MSH5: variants seen among roughly 807,000 people sequenced by gnomAD.
MSH5 encodes mutS homolog 5, also known as mutS protein homolog 5.
MSH5 carries 78 observed loss-of-function variants against 107.7 expected under a neutral mutation model. The observed-to-expected ratio is 0.72, with a 90% CI of 0.60 to 0.87. The LOEUF (loss-of-function observed/expected upper bound fraction) is 0.87. MSH5 is among the 40% of genes least tolerant of loss of function. MSH5 has a pLI of 0.00. For missense variants in MSH5, 889 were observed against 1,046.6 expected (o/e 0.85, Z 2.08); for synonymous variants, 326 against 399.5 (o/e 0.82, Z 2.19).
rs1475124754 is a variant in MSH5, at chr6:31,758,834, G to A, written c.1285G>A (p.Asp429Asn). Residue 429 changes from aspartate (D) to asparagine (N), a missense_variant, in exon 15 of 25, where the codon GAC (aspartate) becomes AAC (asparagine). Physicochemically the swap from Asp to Asn is conservative, Grantham distance 23. Coordinates refer to ENST00000375750, the MANE Select transcript of MSH5 (RefSeq NM_172166.4). The surrounding 1 kb of genome is among the most constrained non-coding windows in gnomAD (Gnocchi z 5.1). ...TGCCCGCAAGGAGCTGGAGAATCTG[G>A]ACTCCCGTATTCCTTCATGCAGTGT... ...EVARKELENL[D>N]SRIPSCSVIY... 1 of 1,614,192 alleles carries A rather than the reference G, an allele frequency of 6.2e-7. No homozygotes were observed. Among genetic ancestry groups the A allele is most frequent in the South Asian group, 1.1e-5 (1 of 91,080 alleles).
chr6:31,760,576 T>G lies in MSH5; in HGVS notation c.1813-114T>G. On this transcript the variant is annotated intron_variant, in intron 19 of 24. Transcript: ENST00000375750. The surrounding 1 kb of genome is among the most constrained non-coding windows in gnomAD (Gnocchi z 5.6). ...ACAGAGTCAGTGTGTCTGTTACCTA[T>G]TTCTCCTGTTTCACCCTGTCCATTT... 2.2e-6 allele frequency: 3 copies of G among 1,358,068 alleles called. No individual in the cohort carries two copies. Among genetic ancestry groups the G allele is most frequent in the Non-Finnish European group, 2.1e-6 (2 of 955,568 alleles). The allele number at this position is 1,358,068 out of a possible 1,614,324, so 84.1% of individuals were successfully genotyped here. A position where few individuals can be genotyped will look rare whatever the true frequency, so the allele number is the denominator to read the frequency against.
Position 31,762,462 on chromosome 6 carries a change from A to T in MSH5, c.2436A>T (p.Glu812Asp), listed in dbSNP as rs1453194999. The T allele has an allele frequency of 6.2e-7, 1 of 1,614,044 alleles. No individual in the cohort carries two copies. Among genetic ancestry groups the T allele is most frequent in the Admixed American group, 1.7e-5 (1 of 59,996 alleles). ...LVDKFMKLDL[E>D]DPNLDLNVFM... is the part of the protein sequence containing the mutation. ...ATAAGTTTATGAAACTGGATTTGGAAGATCCTAACCTGGACTTGAACGTTT... is the reference window on the plus strand; with the variant it reads ...ATAAGTTTATGAAACTGGATTTGGATGATCCTAACCTGGACTTGAACGTTT... The change falls in exon 25 of 25, where the codon GAA becomes GAT. Residue 812 changes from glutamate (E) to aspartate (D), a missense_variant. Coordinates refer to ENST00000375750, the MANE Select transcript of MSH5 (RefSeq NM_172166.4).
rs1174776418 is a variant in MSH5 at position 31,749,291 on chromosome 6, C to G, written c.812+1859C>G. Among the ~76,000 whole-genome samples, 3 of 152,100 alleles carry G rather than the reference C, an allele frequency of 2.0e-5. No individual in the cohort carries two copies. The East Asian group carries it at 5.8e-4, about 29-fold the overall frequency. On this transcript the variant is annotated intron_variant, in intron 10 of 24. Coordinates refer to ENST00000375750, the MANE Select transcript of MSH5 (RefSeq NM_172166.4). Reference sequence around the variant, plus strand: ...GCGCGGTGGCTCACGCCTGTAGTCTCAGCATTTTGGGAGGCTGAGGTGGGT... The same window carrying G: ...GCGCGGTGGCTCACGCCTGTAGTCTGAGCATTTTGGGAGGCTGAGGTGGGT...
intron 10 of MSH5, among the ~76,000 whole-genome samples, chr6:31,752,195 C>A (rs1810022991): frequency 6.6e-6 from 1 of 152,036 alleles, no homozygotes; most frequent in Non-Finnish European, 1.5e-5. Flanking sequence ...AATCCCAGCA[C>A]TTTGGGAGGC....
Position 31,753,290 on chromosome 6 carries a change from C to G in MSH5, c.813-11C>G. On this transcript the variant is annotated splice_polypyrimidine_tract_variant and intron_variant, in intron 10 of 24. Coordinates refer to ENST00000375750, the MANE Select transcript of MSH5 (RefSeq NM_172166.4). ...AACTTGTAGTACCCCCACCCAAACC[C>G]TCACTTCCAGGCTATGGTTCACACG... 2 of 1,589,714 alleles carry G rather than the reference C, an allele frequency of 1.3e-6. No individual in the cohort carries two copies. Among genetic ancestry groups the G allele is most frequent in the Non-Finnish European group, 1.7e-6 (2 of 1,161,530 alleles).
In MSH5 at chr6:31,743,901, T is replaced by G; in HGVS notation, c.416-3T>G. ...GTTCCCTTTGCTTGCCTCCCTCAAA[T>G]AGGTCTGGAGATAAGCAAACAACGC... On this transcript the variant is annotated splice_region_variant and splice_polypyrimidine_tract_variant and intron_variant, in intron 5 of 24. Coordinates refer to ENST00000375750, the MANE Select transcript of MSH5 (RefSeq NM_172166.4). 6.2e-7 allele frequency: 1 copy of G among 1,612,726 alleles called. No individual in the cohort carries two copies. The highest frequency in any genetic ancestry group is 8.5e-7 in the Non-Finnish European group (1 of 1,179,798).
At position 31,761,346 on chromosome 6, in the gene MSH5, C is replaced by T. The variant is rs1428943524; in HGVS notation, c.2037+84C>T. ...GGAGCATGACAGTGAGGCTGGGCCT[C>T]TGGAATGGAATAGGGCTGTGTGGGC... is the stretch of plus-strand genomic sequence containing the variant. On this transcript the variant is annotated intron_variant, in intron 21 of 24. Coordinates refer to ENST00000375750, the MANE Select transcript of MSH5 (RefSeq NM_172166.4). This position sits in a 1 kb window ranked among gnomAD's most constrained non-coding sequence, Gnocchi z 5.3. The T allele has an allele frequency of 3.7e-6, 6 of 1,606,440 alleles. No individual in the cohort carries two copies. Among genetic ancestry groups the T allele is most frequent in the Non-Finnish European group, 5.1e-6 (6 of 1,175,420 alleles).
chr6:31,751,944 C>T (rs1581536400), intron 10 of MSH5, among the ~76,000 whole-genome samples: 1 of 151,576 alleles, frequency 6.6e-6, no homozygotes, highest in Admixed American at 6.6e-5. Flanking sequence ...ACTAAAAATA[C>T]AAAATTTAGC....
chr6:31,743,805 A>G (rs550564753), intron 5 of MSH5, 99 bp from the exon 6 acceptor site: 1 of 1,518,324 alleles, frequency 6.6e-7, no homozygotes, highest in African/African-American at 1.4e-5. Context: ...GAGCTTGGGC[A>G]AGTCAAATAA....
chr6:31,753,743 T>G (rs1439556443), intron 12 of MSH5, 114 bp downstream of exon 12: 2 of 1,074,076 alleles, frequency 1.9e-6, no homozygotes, highest in African/African-American at 1.6e-5. Context: ...CTTTTTTTTT[T>G]TTTTGGAGAC....
chr6:31,752,740 G>T (rs1321262678), intron 10 of MSH5, among the ~76,000 whole-genome samples: 1 of 97,774 alleles, frequency 1.0e-5, no homozygotes, highest in Non-Finnish European at 1.8e-5. Flanking sequence ...AAAAACGAAA[G>T]AATAAGACGT....
intron 12 of MSH5, among the ~76,000 whole-genome samples, chr6:31,755,042 TC>T (rs1355839956): frequency 6.6e-6 from 1 of 152,040 alleles, no homozygotes; most frequent in East Asian, 1.9e-4. Flanking sequence ...GTGAGCCACC[TC>T]ACCCGGCCAA....
In MSH5 at chr6:31,747,409, T is replaced by TA; in HGVS notation, c.791dup (p.Trp265ValfsTer16). The TA allele has an allele frequency of 6.2e-7, 1 of 1,613,050 alleles. No individual in the cohort carries two copies. The highest frequency in any genetic ancestry group is 8.5e-7 in the Non-Finnish European group (1 of 1,180,010). On this transcript the variant is annotated frameshift_variant, in exon 10 of 25. Coordinates refer to ENST00000375750, the MANE Select transcript of MSH5 (RefSeq NM_172166.4). LOFTEE classifies it high-confidence loss of function. ...CAGGAATCCTCAACAGATGCCACTG[T>TA]AAGTGGGGAGAGAAGCTGCTCAGGT...
chr6:31,748,759 C>T (rs1370566968), intron 10 of MSH5, among the ~76,000 whole-genome samples: 1 of 151,992 alleles, frequency 6.6e-6, no homozygotes, highest in Non-Finnish European at 1.5e-5. Context: ...TGTTCAGGGT[C>T]CATCACGTTT....
Position 31,758,841 on chromosome 6 carries a change from G to C in MSH5, c.1292G>C (p.Arg431Pro). 1.2e-6 allele frequency: 2 copies of C among 1,614,162 alleles called. No individual in the cohort carries two copies. Among genetic ancestry groups the C allele is most frequent in the East Asian group, 4.5e-5 (2 of 44,876 alleles). ...AAGGAGCTGGAGAATCTGGACTCCC[G>C]TATTCCTTCATGCAGTGTCATCTAC... ...ARKELENLDS[R>P]IPSCSVIYIP... The change falls in exon 15 of 25, where the codon CGT (arginine) becomes CCT (proline). Residue 431 changes from arginine (R) to proline (P), a missense_variant. By Grantham distance (103) the Arg-to-Pro change is moderately radical (BLOSUM62 -2). Around this residue, in one of 3 missense-constraint regions of MSH5, gnomAD observed 518 missense variants for 565.0 expected, o/e 0.92. Coordinates refer to ENST00000375750, the MANE Select transcript of MSH5 (RefSeq NM_172166.4). This position sits in a 1 kb window ranked among gnomAD's most constrained non-coding sequence, Gnocchi z 5.1.
intron 3 of MSH5, among the ~76,000 whole-genome samples, chr6:31,742,375 A>G (rs959131331): frequency 6.6e-6 from 1 of 152,120 alleles, no homozygotes; most frequent in Non-Finnish European, 1.5e-5. Context: ...CTCCTGCCTC[A>G]GTCTCCCGAG....
rs543384123 is a variant in MSH5, at chr6:31,752,728, A to C, written c.813-573A>C. On this transcript the variant is annotated intron_variant, in intron 10 of 24. Transcript: ENST00000375750. ...AGCGAGACTCTGTCTCAAAAAAAAA[A>C]AAAAAACGAAAGAATAAGACGTTGT... Among the ~76,000 whole-genome samples the C allele has an allele frequency of 5.7e-3, 701 of 122,814 alleles. 24 individuals are homozygous for C. The South Asian group carries it at 0.092, about 16-fold the overall frequency. 80.6% of individuals were successfully genotyped at this position (122,814 alleles called of 152,430 possible).
intron 10 of MSH5, among the ~76,000 whole-genome samples, chr6:31,749,305 G>A (rs562416611): frequency 5.0e-4 from 76 of 152,286 alleles, no homozygotes; most frequent in African/African-American, 1.8e-3. Flanking sequence ...ATTTTGGGAG[G>A]CTGAGGTGGG....
rs1389469462 is a variant in MSH5 at position 31,760,667 on chromosome 6, G to T, written c.1813-23G>T. The T allele has an allele frequency of 1.2e-6, 2 of 1,612,636 alleles. No individual in the cohort carries two copies. Among genetic ancestry groups the T allele is most frequent in the Non-Finnish European group, 1.7e-6 (2 of 1,180,044 alleles). On this transcript the variant is annotated intron_variant, in intron 19 of 24. Transcript: ENST00000375750. The surrounding 1 kb of genome is among the most constrained non-coding windows in gnomAD (Gnocchi z 5.6). ...CTCAGCCCACGGCACCAGGCCCCAG[G>T]CCCTGTCTCCTTCCCTATTCAGGTA...
Sources: gnomAD v4.1 joint callset for allele counts (sites outside exome capture counted in the v4.1 genomes callset) on GRCh38, gnomAD v4.1.1 for gene constraint, gnomAD v4.1.1 regional missense constraint, Gnocchi (gnomAD v3.1) non-coding constraint, MANE v1.5 for transcripts, NCBI Gene and HGNC (gene_info 2026-07-23, HGNC 2026-07-21) for gene names.